The following RBMS1 variants were observed in gnomAD, a reference collection of about 807,000 sequenced individuals.
The protein encoded by RBMS1 is RNA-binding motif, single-stranded-interacting protein 1.
Under a neutral mutation model 62.3 loss-of-function variants are expected in RBMS1, and 17 were observed. That is an observed-to-expected ratio of 0.27 (90% confidence interval 0.19 to 0.41). RBMS1 has a LOEUF of 0.41. RBMS1 is among the 10% of genes least tolerant of loss of function. The pLI is 1.00. For missense variants in RBMS1, 334 were observed against 504.5 expected, an observed-to-expected ratio of 0.66 and a Z score of 3.24; for synonymous variants, 172 against 170.0, an observed-to-expected ratio of 1.01 and a Z score of -0.09.
At chr2:160,313,115 A>T in intron 4 of RBMS1, 41 bp downstream of exon 4, 1 of 1,589,394 alleles carries the variant, frequency 6.3e-7, no homozygotes, top group Non-Finnish European at 8.6e-7. Context: ...TTCACAACCA[A>T]AGCTGTGGAA....
At chr2:160,436,062 G>A (rs1384856053) in intron 1 of RBMS1, among the ~76,000 whole-genome samples, 1 of 152,122 alleles carries the variant, frequency 6.6e-6, no homozygotes, top group Admixed American at 6.5e-5. Context: ...CTGCTACAAT[G>A]GTCCCTTCCA....
chr2:160,430,841 T>C (rs1468386516), intron 1 of RBMS1, among the ~76,000 whole-genome samples: 1 of 152,040 alleles, frequency 6.6e-6, no homozygotes, highest in African/African-American at 2.4e-5. Flanking sequence ...TTTCCTTGCT[T>C]ATTCTCATTG....
chr2:160,460,596 CTTCCTTTTCTAACACAGGCCA>C (rs1197365863), intron 1 of RBMS1, among the ~76,000 whole-genome samples: 2 of 152,226 alleles, frequency 1.3e-5, no homozygotes, highest in South Asian at 2.1e-4. Context: ...ACAGTGCCTG[CTTCCTTTTCTAACACAGGCCA>C]TTGGACAACC....
At chr2:160,477,867 T>C (rs949552033) in intron 1 of RBMS1, among the ~76,000 whole-genome samples, 6 of 152,236 alleles carry the variant, frequency 3.9e-5, no homozygotes, top group Admixed American at 6.5e-5. Context: ...TCTTTCACCA[T>C]TGAAAATTAA....
At chr2:160,316,261 CCACT>C (rs1690215678) in intron 3 of RBMS1, among the ~76,000 whole-genome samples, 1 of 152,110 alleles carries the variant, frequency 6.6e-6, no homozygotes, top group African/African-American at 2.4e-5. Context: ...CTTACCCTCT[CCACT>C]CACTCACTCA....
intron 1 of RBMS1, among the ~76,000 whole-genome samples, chr2:160,395,113 C>T (rs1006971531): frequency 2.0e-5 from 3 of 152,180 alleles, no homozygotes; most frequent in Non-Finnish European, 2.9e-5. Context: ...TGAAGTCAGA[C>T]AAATATCTCC....
At chr2:160,366,949 T>C (rs1461438287) in intron 2 of RBMS1, 1 of 254,746 alleles carries the variant, frequency 3.9e-6, no homozygotes, top group Non-Finnish European at 7.3e-6. Context: ...TTTAAAAAAA[T>C]TCATATTTTA....
At chr2:160,408,961 C>A (rs1488395928) in intron 1 of RBMS1, among the ~76,000 whole-genome samples, 2 of 152,176 alleles carry the variant, frequency 1.3e-5, no homozygotes, top group Non-Finnish European at 2.9e-5. Flanking sequence ...TCTCTTAATA[C>A]CTTCCTGGAA....
At chr2:160,487,040 T>A (rs1200206634) in intron 1 of RBMS1, among the ~76,000 whole-genome samples, 5 of 152,134 alleles carry the variant, frequency 3.3e-5, no homozygotes, top group Non-Finnish European at 5.9e-5. Flanking sequence ...AATAATAGGG[T>A]GAAATAAATT....
At chr2:160,309,273 A>T (rs901203829) in intron 4 of RBMS1, among the ~76,000 whole-genome samples, 1 of 152,186 alleles carries the variant, frequency 6.6e-6, no homozygotes, top group Non-Finnish European at 1.5e-5. Flanking sequence ...CCATCAGTCA[A>T]GCAAGAGAGG....
intron 2 of RBMS1, among the ~76,000 whole-genome samples, chr2:160,334,914 T>C (rs571434354): frequency 1.3e-5 from 2 of 151,516 alleles, no homozygotes; most frequent in East Asian, 3.9e-4. Flanking sequence ...CTATAATGGA[T>C]ACCTAAGATT....
chr2:160,322,375 A>C (rs1690608306), intron 2 of RBMS1, among the ~76,000 whole-genome samples: 1 of 152,236 alleles, frequency 6.6e-6, no homozygotes, highest in African/African-American at 2.4e-5. Context: ...CAAGCACAGG[A>C]CATTTTTTAC....
rs75332433 is a variant in RBMS1 at position 160,287,566 on chromosome 2, T to G, written c.641-482A>C. On this transcript the variant is annotated intron_variant, in intron 6 of 13. Transcript: ENST00000348849. ...CTCGCACATATATTTTTATTCACAA[T>G]TTGTAACAATTGGTGAGTATGTTTA... is the stretch of plus-strand genomic sequence containing the variant. Among the ~76,000 whole-genome samples the G allele has an allele frequency of 1.0e-2, 1,517 of 152,360 alleles. 8 individuals are homozygous for G. The highest frequency in any genetic ancestry group is 0.016 in the Non-Finnish European group (1,057 of 68,030).
intron 1 of RBMS1, among the ~76,000 whole-genome samples, chr2:160,477,157 G>A (rs891111647): frequency 6.6e-6 from 1 of 152,018 alleles, no homozygotes; most frequent in Non-Finnish European, 1.5e-5. Context: ...CTTTACAGGC[G>A]GCCTAAGAGT....
chr2:160,324,907 T>TATATATACATAC, intron 2 of RBMS1, among the ~76,000 whole-genome samples: 1 of 106,778 alleles, frequency 9.4e-6, no homozygotes, highest in Non-Finnish European at 1.8e-5. Flanking sequence ...TATATATATA[T>TATATATACATAC]ACACACACAC....
At chr2:160,282,239 G>C in intron 9 of RBMS1, 4 of 1,367,506 alleles carry the variant, frequency 2.9e-6, no homozygotes, top group Non-Finnish European at 2.9e-6. Flanking sequence ...CATGGGGGAA[G>C]AATGTATTGC....
At chr2:160,345,637 C>T (rs1209982295) in intron 2 of RBMS1, among the ~76,000 whole-genome samples, 2 of 152,142 alleles carry the variant, frequency 1.3e-5, no homozygotes, top group Non-Finnish European at 2.9e-5. Context: ...TTGTCTTTTA[C>T]TTATTCTTTG....
intron 13 of RBMS1, among the ~76,000 whole-genome samples, chr2:160,274,981 G>A (rs1212165758): frequency 6.6e-6 from 1 of 152,106 alleles, no homozygotes; most frequent in Non-Finnish European, 1.5e-5. Context: ...CTAATTTAGA[G>A]CCAAATTCAT....
chr2:160,311,234 A>ATATATCTATATATCTATC, intron 4 of RBMS1, among the ~76,000 whole-genome samples: 1 of 107,448 alleles, frequency 9.3e-6, no homozygotes, highest in Admixed American at 9.4e-5. Context: ...CTATCTATCT[A>ATATATCTATATATCTATC]TATATATATA....
Sources: allele counts gnomAD v4.1 joint callset (sites outside exome capture counted in the v4.1 genomes callset), GRCh38; gene constraint gnomAD v4.1.1; transcripts MANE v1.5; gene names NCBI Gene and HGNC (gene_info 2026-07-23, HGNC 2026-07-21).